Variants in EYS observed in about 807,000 individuals in gnomAD.
The protein encoded by EYS is EGF-like photoreceptor maintenance factor, also known as protein eyes shut homolog.
A neutral mutation model predicts 282.1 loss-of-function variants in EYS; 250 were observed. The ratio of observed to expected loss-of-function variants is 0.89; its 90% CI spans 0.80 to 0.98. EYS has a LOEUF of 0.98. Among genes scored for constraint, EYS ranks in the 50% least tolerant of loss-of-function variants. The pLI is 0.00. For synonymous variants in EYS, 1,355 were observed against 1,282.9 expected (o/e 1.06, Z -1.20); for missense variants, 4,016 against 3,709.0 (o/e 1.08, Z -2.15).
At position 64,740,848 on chromosome 6, in the gene EYS, G is replaced by A. The variant is rs150858777; in HGVS notation, c.3443+72530C>T. Among the ~76,000 whole-genome samples, 100 of 152,070 alleles carry A rather than the reference G, an allele frequency of 6.6e-4. 1 individual carries two copies. The East Asian group carries it at 0.015, about 22-fold the overall frequency. On this transcript the variant is annotated intron_variant, in intron 22 of 42. Transcript: ENST00000503581. ...CCTGCCTCAGCCTCCTGAGTAGCTG[G>A]GACTACAGGCGCCAGCCACCACGCC...
chr6:64,432,295 A>C (rs900175602), intron 28 of EYS, among the ~76,000 whole-genome samples: 1 of 152,082 alleles, frequency 6.6e-6, no homozygotes, highest in African/African-American at 2.4e-5. Flanking sequence ...GACAAGAAAT[A>C]AAGTAATTTT....
intron 41 of EYS, among the ~76,000 whole-genome samples, chr6:63,760,556 G>T (rs1769606394): frequency 6.6e-6 from 1 of 151,774 alleles, no homozygotes; most frequent in South Asian, 2.1e-4. Context: ...CCATTTTCTG[G>T]CACCTTTAAT....
chr6:65,519,708 A>ATATATATATATATATATTTTTTT (rs1554205854), intron 2 of EYS, among the ~76,000 whole-genome samples: 1 of 42,564 alleles, frequency 2.3e-5, no homozygotes, highest in African/African-American at 1.3e-4. Flanking sequence ...ATATATATAT[A>ATATATATATATATATATTTTTTT]TTTTTTTTTT....
chr6:64,213,610 TAA>T (rs1174818381), intron 31 of EYS, among the ~76,000 whole-genome samples: 1 of 152,176 alleles, frequency 6.6e-6, no homozygotes, highest in Admixed American at 6.5e-5. Context: ...ACAATTCCGT[TAA>T]AGTTTCTGGC....
At chr6:65,595,262 T>A (rs1041128846) in intron 2 of EYS, among the ~76,000 whole-genome samples, 1 of 151,984 alleles carries the variant, frequency 6.6e-6, no homozygotes, top group Non-Finnish European at 1.5e-5. Flanking sequence ...AGGTGGGAAC[T>A]GAACAATGAG....
chr6:64,509,737 G>T (rs1273278299), intron 26 of EYS, among the ~76,000 whole-genome samples: 1 of 152,004 alleles, frequency 6.6e-6, no homozygotes, highest in Non-Finnish European at 1.5e-5. Context: ...ATGAACAGAT[G>T]GCTTTTGTTC....
At chr6:65,011,497 G>A (rs574035471) in intron 13 of EYS, among the ~76,000 whole-genome samples, 8 of 152,280 alleles carry the variant, frequency 5.3e-5, no homozygotes, top group East Asian at 1.9e-4. Flanking sequence ...CCCATGCTCT[G>A]AAGTTAATGA....
chr6:64,591,639 A>C lies in EYS; in HGVS notation c.4228T>G (p.Leu1410Val). 6.4e-7 allele frequency: 1 copy of C among 1,551,320 alleles called. No individual in the cohort carries two copies. The highest frequency in any genetic ancestry group is 8.7e-7 in the Non-Finnish European group (1 of 1,146,772). Residue 1410 changes from leucine to valine, a missense_variant, in exon 26 of 43, where the codon TTA becomes GTA. Coordinates refer to ENST00000503581, the MANE Select transcript of EYS (RefSeq NM_001142800.2). The stretch of plus-strand genomic sequence containing the variant: ...GCAACAGTCTGACAGTTCTCAAATA[A>C]TAAAGATTGTGTAGGAAAAATAAAA... ...SDFIFPTQSL[L>V]FENCQTVALS...
At chr6:64,873,637 TTAATAA>T (rs1359721552) in intron 19 of EYS, among the ~76,000 whole-genome samples, 1 of 152,092 alleles carries the variant, frequency 6.6e-6, no homozygotes, top group East Asian at 1.9e-4. Context: ...GGTGCCATAG[TTAATAA>T]TAATGTATTG....
intron 19 of EYS, among the ~76,000 whole-genome samples, chr6:64,857,531 A>G (rs1055850971): frequency 1.8e-4 from 28 of 152,220 alleles, no homozygotes; most frequent in African/African-American, 6.8e-4. Flanking sequence ...GGTTGAGTCC[A>G]TATTTTGTCT....
intron 5 of EYS, among the ~76,000 whole-genome samples, chr6:65,420,435 C>T (rs1268328626): frequency 6.6e-6 from 1 of 151,924 alleles, no homozygotes; most frequent in Non-Finnish European, 1.5e-5. Flanking sequence ...CTTTAGGCTC[C>T]ACTTTTCATT....
rs148630049 is a variant in EYS at position 64,721,113 on chromosome 6, T to C, written c.3443+92265A>G. 3.9e-3 allele frequency among the ~76,000 whole-genome samples: 587 copies of C among 152,266 alleles called. 6 individuals carry two copies. The highest frequency in any genetic ancestry group is 0.013 in the African/African-American group (551 of 41,556). ...CTCTATTCTGGGCCTGGGGATTTAGTAGGACCAGAAACAAGAACAACAGGA... is the reference window on the plus strand; with the variant it reads ...CTCTATTCTGGGCCTGGGGATTTAGCAGGACCAGAAACAAGAACAACAGGA... On this transcript the variant is annotated intron_variant, in intron 22 of 42. Transcript: ENST00000503581.
intron 22 of EYS, among the ~76,000 whole-genome samples, chr6:64,812,535 C>T (rs1372399606): frequency 6.6e-6 from 1 of 151,554 alleles, no homozygotes; most frequent in Non-Finnish European, 1.5e-5. Flanking sequence ...ACGGAAGTGA[C>T]AGTATTGTAT....
chr6:65,397,974 C>T (rs1201459268), intron 7 of EYS, among the ~76,000 whole-genome samples: 10 of 151,838 alleles, frequency 6.6e-5, no homozygotes, highest in African/African-American at 2.4e-4. Context: ...TGGCATCTCA[C>T]TGTGGTTTTA....
chr6:65,490,623 A>G lies in EYS; in HGVS notation c.833T>C (p.Phe278Ser), dbSNP rs142777049. 12 of 1,611,314 alleles carry G rather than the reference A, an allele frequency of 7.4e-6. No homozygotes were observed. In the African/African-American group the frequency reaches 1.6e-4, roughly 22 times the overall value. The stretch of plus-strand genomic sequence containing the variant: ...AAATTGCTCATCACATTCACAAATG[A>G]AACTATTTGAAGTAATATTGCTGCA... Reference protein sequence around the residue: ...GNCSNITSNSFICECDEQFSG... With the variant: ...GNCSNITSNSSICECDEQFSG... The change falls in exon 5 of 43, where the codon TTC becomes TCC. Residue 278 changes from phenylalanine to serine, a missense_variant. By Grantham distance (155) the Phe-to-Ser change is radical. Transcript: ENST00000503581.
intron 15 of EYS, among the ~76,000 whole-genome samples, chr6:64,920,483 G>A (rs550978125): frequency 6.6e-6 from 1 of 152,078 alleles, no homozygotes; most frequent in Non-Finnish European, 1.5e-5. Context: ...GAGCAAGTAA[G>A]TATTACTTCT....
intron 24 of EYS, among the ~76,000 whole-genome samples, chr6:64,607,968 A>G (rs1468480058): frequency 2.0e-5 from 3 of 152,174 alleles, no homozygotes. Context: ...AAAGTATCCA[A>G]GACATTTAGC....
intron 36 of EYS, among the ~76,000 whole-genome samples, chr6:63,863,638 TTTTTCTTTTC>T (rs144436872): frequency 4.8e-5 from 6 of 123,760 alleles, no homozygotes; most frequent in African/African-American, 1.9e-4. Flanking sequence ...TCATTACCAC[TTTTTCTTTTC>T]TTTTCTTTTC....
intron 12 of EYS, among the ~76,000 whole-genome samples, chr6:65,099,916 T>G (rs1449842535): frequency 6.6e-6 from 1 of 150,758 alleles, no homozygotes; most frequent in African/African-American, 2.4e-5. Context: ...CAACACTTCA[T>G]GGCAAAGATG....
Sources: allele counts gnomAD v4.1 joint callset (sites outside exome capture counted in the v4.1 genomes callset), GRCh38; gene constraint gnomAD v4.1.1; transcripts MANE v1.5; gene names NCBI Gene and HGNC (gene_info 2026-07-23, HGNC 2026-07-21).